The following CDH8 variants were observed in gnomAD, a reference collection of about 807,000 sequenced individuals.
CDH8 encodes cadherin-8.
A neutral mutation model predicts 68.1 loss-of-function variants in CDH8; 17 were observed. The ratio of observed to expected loss-of-function variants is 0.25; its 90% CI spans 0.17 to 0.37. The LOEUF is 0.37. Among genes scored for constraint, CDH8 ranks in the 10% least tolerant of loss-of-function variants. The pLI, the probability that CDH8 is intolerant of heterozygous loss-of-function variation, is 1.00. For synonymous variants in CDH8, 372 were observed against 365.1 expected, an observed-to-expected ratio of 1.02 and a Z score of -0.21; for missense variants, 763 against 999.3, an observed-to-expected ratio of 0.76 and a Z score of 3.19.
chr16:61,963,514 G>A (rs932557164), intron 2 of CDH8, among the ~76,000 whole-genome samples: 1 of 152,176 alleles, frequency 6.6e-6, no homozygotes, highest in Non-Finnish European at 1.5e-5. Context: ...CTGTCTAGAT[G>A]CTGTTGCCAG....
intron 8 of CDH8, among the ~76,000 whole-genome samples, chr16:61,747,536 G>A (rs1960053868): frequency 6.6e-6 from 1 of 151,932 alleles, no homozygotes; most frequent in African/African-American, 2.4e-5. Flanking sequence ...TGCTGACAGG[G>A]ACAAAGCAAC....
chr16:61,956,360 A>G (rs2143611228), intron 2 of CDH8, among the ~76,000 whole-genome samples: 1 of 152,332 alleles, frequency 6.6e-6, no homozygotes, highest in Admixed American at 6.5e-5. Context: ...GCCTTACCTT[A>G]TCTTAAGGTA....
intron 2 of CDH8, among the ~76,000 whole-genome samples, chr16:61,939,843 T>A (rs918284701): frequency 6.6e-6 from 1 of 152,152 alleles, no homozygotes; most frequent in African/African-American, 2.4e-5. Context: ...TCCAGGGACA[T>A]AAGCATTATT....
chr16:61,794,842 A>G (rs551293318), intron 7 of CDH8, among the ~76,000 whole-genome samples: 99 of 152,134 alleles, frequency 6.5e-4, no homozygotes, highest in African/African-American at 2.3e-3. Flanking sequence ...TTGTATTCAT[A>G]TTGAGTAGTT....
chr16:61,727,932 TA>T (rs1366626730), intron 8 of CDH8, among the ~76,000 whole-genome samples: 1 of 151,124 alleles, frequency 6.6e-6, no homozygotes, highest in African/African-American at 2.4e-5. Context: ...TTAAGTTATG[TA>T]TGCACACATA....
At chr16:61,893,089 C>G (rs538111663) in intron 3 of CDH8, among the ~76,000 whole-genome samples, 11 of 152,236 alleles carry the variant, frequency 7.2e-5, no homozygotes, top group African/African-American at 2.6e-4. Flanking sequence ...AGATCCAACA[C>G]CAGTTCCCTC....
chr16:61,710,344 C>T (rs1283989518), intron 10 of CDH8, among the ~76,000 whole-genome samples: 1 of 152,066 alleles, frequency 6.6e-6, no homozygotes, highest in South Asian at 2.1e-4. Flanking sequence ...TCAGACAATG[C>T]ATAAATTATA....
intron 1 of CDH8, among the ~76,000 whole-genome samples, chr16:62,033,047 A>G (rs760310012): frequency 6.6e-6 from 1 of 152,094 alleles, no homozygotes; most frequent in African/African-American, 2.4e-5. Flanking sequence ...CATTCTTTGG[A>G]GTTTCTGTGC....
At chr16:61,953,905 A>T (rs1964937856) in intron 2 of CDH8, among the ~76,000 whole-genome samples, 2 of 139,364 alleles carry the variant, frequency 1.4e-5, no homozygotes, top group East Asian at 4.1e-4. Flanking sequence ...TTATATATAT[A>T]TATATATATA....
At chr16:61,824,763 C>T (rs1962291390) in intron 5 of CDH8, among the ~76,000 whole-genome samples, 1 of 151,882 alleles carries the variant, frequency 6.6e-6, no homozygotes, top group Non-Finnish European at 1.5e-5. Flanking sequence ...GAAAGGAGTG[C>T]ACAACTTGCA....
At chr16:61,887,434 G>A (rs1048259703) in intron 3 of CDH8, among the ~76,000 whole-genome samples, 1 of 152,152 alleles carries the variant, frequency 6.6e-6, no homozygotes, top group African/African-American at 2.4e-5. Context: ...CTGAAAGCTG[G>A]AAGTCCAAGG....
chr16:61,688,175 C>T (rs1964144835), intron 10 of CDH8, among the ~76,000 whole-genome samples: 1 of 151,982 alleles, frequency 6.6e-6, no homozygotes, highest in African/African-American at 2.4e-5. Context: ...CTCTCTAATT[C>T]CTTTCATTGT....
chr16:61,772,010 T>C (rs1960790694), intron 8 of CDH8, among the ~76,000 whole-genome samples: 2 of 151,972 alleles, frequency 1.3e-5, no homozygotes, highest in African/African-American at 4.8e-5. Context: ...CAGGCTTATT[T>C]GAGTGGGCAG....
chr16:61,683,219 C>T (rs147502427), intron 10 of CDH8, among the ~76,000 whole-genome samples: 1,679 of 152,018 alleles, frequency 0.011, 10 homozygotes, highest in Non-Finnish European at 0.016. Flanking sequence ...AAATTTTCAA[C>T]CTCCTTGAGT....
At chr16:62,032,100 A>G (rs966396629) in intron 1 of CDH8, 1 of 152,210 alleles carries the variant, frequency 6.6e-6, no homozygotes, top group African/African-American at 2.4e-5. Context: ...CCATCAAAAA[A>G]TTGTTCTATT....
chr16:61,999,711 T>C (rs1254412271), intron 2 of CDH8, among the ~76,000 whole-genome samples: 1 of 152,046 alleles, frequency 6.6e-6, no homozygotes, highest in South Asian at 2.1e-4. Flanking sequence ...TCCGTGTGTC[T>C]CTGATGTTTA....
intron 7 of CDH8, among the ~76,000 whole-genome samples, chr16:61,798,256 T>C (rs771444311): frequency 3.9e-5 from 6 of 152,198 alleles, no homozygotes; most frequent in South Asian, 2.1e-4. Flanking sequence ...TTTTATTTAA[T>C]GTCAACAAAG....
chr16:61,689,753 C>T (rs1201821918), intron 10 of CDH8, among the ~76,000 whole-genome samples: 1 of 151,792 alleles, frequency 6.6e-6, no homozygotes, highest in African/African-American at 2.4e-5. Flanking sequence ...ATATTTGGTA[C>T]AAGAAAACAT....
chr16:61,895,846 T>C (rs1963860314), intron 3 of CDH8, among the ~76,000 whole-genome samples: 1 of 152,186 alleles, frequency 6.6e-6, no homozygotes, highest in Non-Finnish European at 1.5e-5. Context: ...GGTAGCACGT[T>C]AAATATAATT....
Sources: gnomAD v4.1 joint callset for allele counts (sites outside exome capture counted in the v4.1 genomes callset) on GRCh38, gnomAD v4.1.1 for gene constraint, MANE v1.5 for transcripts, NCBI Gene and HGNC (gene_info 2026-07-23, HGNC 2026-07-21) for gene names.